PPP2R2B: variants seen among roughly 807,000 people sequenced by gnomAD.
The protein encoded by PPP2R2B is serine/threonine-protein phosphatase 2A 55 kDa regulatory subunit B beta isoform.
Under a neutral mutation model 46.0 loss-of-function variants are expected in PPP2R2B, and 5 were observed. The observed-to-expected ratio is 0.11, with a 90% CI of 0.06 to 0.23. The LOEUF is 0.23. PPP2R2B is among the 10% of genes least tolerant of loss of function. The probability of loss-of-function intolerance (pLI) is 1.00; values close to 1 mark genes in which losing one functional copy is unlikely to be tolerated. For synonymous variants in PPP2R2B, 215 were observed against 206.7 expected (o/e 1.04, Z -0.34); for missense variants, 367 against 575.0 (o/e 0.64, Z 3.70).
At chr5:146,971,868 C>T (rs1199504725) in intron 1 of PPP2R2B, among the ~76,000 whole-genome samples, 1 of 151,896 alleles carries the variant, frequency 6.6e-6, no homozygotes, top group African/African-American at 2.4e-5. Flanking sequence ...ATGGAAAATC[C>T]CTGTATATTC....
intron 1 of PPP2R2B, among the ~76,000 whole-genome samples, chr5:146,965,651 G>A (rs763593678): frequency 3.2e-4 from 48 of 152,184 alleles, no homozygotes; most frequent in Non-Finnish European, 4.7e-4. Flanking sequence ...CAGCTTCCAG[G>A]TGAGTGCTGC....
At chr5:147,040,819 A>G in intron 1 of PPP2R2B, 2 of 438,338 alleles carry the variant, frequency 4.6e-6, no homozygotes, top group East Asian at 7.0e-5. Context: ...AAAAAAAAAA[A>G]AAAAACTGTA....
At chr5:146,792,308 T>C (rs1401536302) in intron 2 of PPP2R2B, among the ~76,000 whole-genome samples, 2 of 152,174 alleles carry the variant, frequency 1.3e-5, no homozygotes, top group Non-Finnish European at 2.9e-5. Context: ...GTTAAATAGT[T>C]CAAGAGCCCA....
At chr5:146,799,094 A>G (rs749620608) in intron 2 of PPP2R2B, among the ~76,000 whole-genome samples, 6 of 152,226 alleles carry the variant, frequency 3.9e-5, no homozygotes, top group Non-Finnish European at 7.3e-5. Flanking sequence ...CAATGGCCAA[A>G]GAAAGTTTAC....
At chr5:147,081,121 G>C in exon 2 of PPP2R2B, 3 of 1,535,646 alleles carry the variant, frequency 2.0e-6, no homozygotes, top group Non-Finnish European at 2.6e-6. Flanking sequence ...TGTGTCCTGG[G>C]TGAGTGTCCC....
intron 7 of PPP2R2B, among the ~76,000 whole-genome samples, chr5:146,624,280 A>G (rs1037096412): frequency 2.0e-5 from 3 of 152,216 alleles, no homozygotes. Flanking sequence ...CATAAATCTG[A>G]GAGTCCACAG....
intron 7 of PPP2R2B, among the ~76,000 whole-genome samples, chr5:146,627,008 G>C (rs1043268049): frequency 2.0e-5 from 3 of 152,092 alleles, no homozygotes; most frequent in Admixed American, 2.0e-4. Context: ...CGATGGCTTG[G>C]GCACTGCCTG....
chr5:146,876,141 C>T (rs1761885171), intron 2 of PPP2R2B, among the ~76,000 whole-genome samples: 1 of 152,150 alleles, frequency 6.6e-6, no homozygotes, highest in African/African-American at 2.4e-5. Context: ...GGTTGATTCT[C>T]ACATGCCAGA....
chr5:146,794,564 T>C (rs1756402942), intron 2 of PPP2R2B, among the ~76,000 whole-genome samples: 1 of 152,190 alleles, frequency 6.6e-6, no homozygotes, highest in African/African-American at 2.4e-5. Context: ...TCTGACTAAA[T>C]AGACAAGTAC....
At chr5:147,030,713 T>C (rs1755738825) in intron 1 of PPP2R2B, among the ~76,000 whole-genome samples, 1 of 152,204 alleles carries the variant, frequency 6.6e-6, no homozygotes, top group Non-Finnish European at 1.5e-5. Context: ...ATATTAGCTA[T>C]CTTACTACTT....
intron 2 of PPP2R2B, among the ~76,000 whole-genome samples, chr5:146,842,334 C>A (rs970408665): frequency 6.6e-6 from 1 of 151,770 alleles, no homozygotes; most frequent in Non-Finnish European, 1.5e-5. Flanking sequence ...TTCCCACCCC[C>A]ACACATCCCC....
chr5:146,795,040 T>C (rs1421013840), intron 2 of PPP2R2B, among the ~76,000 whole-genome samples: 1 of 152,112 alleles, frequency 6.6e-6, no homozygotes, highest in Admixed American at 6.6e-5. Context: ...AATACTTACA[T>C]AGTAATTTAG....
chr5:146,726,435 A>G (rs1268468499), intron 2 of PPP2R2B, among the ~76,000 whole-genome samples: 1 of 152,202 alleles, frequency 6.6e-6, no homozygotes, highest in East Asian at 1.9e-4. Context: ...ATGGCCAAGT[A>G]TAAACACACA....
At chr5:146,894,711 A>T (rs910911544) in intron 1 of PPP2R2B, among the ~76,000 whole-genome samples, 3 of 152,180 alleles carry the variant, frequency 2.0e-5, no homozygotes, top group Non-Finnish European at 4.4e-5. Context: ...AAATTCTGGT[A>T]TTACAGGCAT....
intron 5 of PPP2R2B, among the ~76,000 whole-genome samples, chr5:146,681,997 C>G (rs907523802): frequency 6.6e-6 from 1 of 152,120 alleles, no homozygotes; most frequent in South Asian, 2.1e-4. Flanking sequence ...GGGAGGTGTC[C>G]TTTATTAGTT....
chr5:146,681,067 A>G (rs921308923), intron 5 of PPP2R2B, among the ~76,000 whole-genome samples: 3 of 152,166 alleles, frequency 2.0e-5, no homozygotes, highest in Non-Finnish European at 4.4e-5. Flanking sequence ...GCTTACATCA[A>G]TGCATCAGTC....
At chr5:146,854,857 A>G (rs1298185192) in intron 2 of PPP2R2B, among the ~76,000 whole-genome samples, 2 of 152,214 alleles carry the variant, frequency 1.3e-5, no homozygotes, top group African/African-American at 4.8e-5. Flanking sequence ...TATCCTGGCT[A>G]TTCTTCACGA....
rs529248112 is a variant in PPP2R2B, at chr5:146,758,244, G to C, written c.71-57102C>G. On this transcript the variant is annotated intron_variant, in intron 2 of 9. Transcript: ENST00000394411. ...CAAAATTTCAATGATTGCCCCAAAG[G>C]CTCAATCTGTAGCAGCAAAAGCAAC... Among the ~76,000 whole-genome samples the C allele has an allele frequency of 5.3e-5, 8 of 152,182 alleles. No homozygotes were observed. The South Asian group carries it at 1.0e-3, about 20-fold the overall frequency.
chr5:146,778,010 GA>G (rs1162405305), intron 2 of PPP2R2B, among the ~76,000 whole-genome samples: 2 of 152,194 alleles, frequency 1.3e-5, no homozygotes, highest in Non-Finnish European at 2.9e-5. Context: ...TGTTAGACAA[GA>G]TGAGGGTCTC....
Sources: gnomAD v4.1 joint callset for allele counts (sites outside exome capture counted in the v4.1 genomes callset) on GRCh38, gnomAD v4.1.1 for gene constraint, MANE v1.5 for transcripts, NCBI Gene and HGNC (gene_info 2026-07-23, HGNC 2026-07-21) for gene names.